The following NTRK2 variants were observed in gnomAD, a reference collection of about 807,000 sequenced individuals.
The protein encoded by NTRK2 is neurotrophic receptor tyrosine kinase 2.
Under a neutral mutation model 94.5 loss-of-function variants are expected in NTRK2, and 13 were observed. That is an observed-to-expected ratio of 0.14 (90% CI 0.09 to 0.22). The LOEUF (loss-of-function observed/expected upper bound fraction) is 0.22. Ranked by LOEUF, NTRK2 falls within the 10% of genes least tolerant of loss-of-function variation. The probability of loss-of-function intolerance (pLI) is 1.00; values close to 1 mark genes in which losing one functional copy is unlikely to be tolerated. For synonymous variants in NTRK2, 372 were observed against 407.4 expected (o/e 0.91, Z 1.05); for missense variants, 639 against 1,071.2 (o/e 0.60, Z 5.63).
chr9:84,795,297 C>T (rs893467784), intron 12 of NTRK2, among the ~76,000 whole-genome samples: 1 of 152,264 alleles, frequency 6.6e-6, no homozygotes. Flanking sequence ...TTCAGACCTG[C>T]CGTGACCCCC....
At chr9:84,737,056 GGATCACAT>G (rs762034220) in intron 9 of NTRK2, among the ~76,000 whole-genome samples, 52 of 152,162 alleles carry the variant, frequency 3.4e-4, no homozygotes, top group Non-Finnish European at 7.2e-4. Context: ...ATATTTTTCA[GGATCACAT>G]GATCACATTA....
chr9:84,856,351 A>C (rs1030688862), intron 12 of NTRK2, among the ~76,000 whole-genome samples: 2 of 152,190 alleles, frequency 1.3e-5, no homozygotes, highest in African/African-American at 4.8e-5. Context: ...TTGAAGTGGA[A>C]ACTTGGCCCC....
At chr9:85,020,465 G>A (rs931696724) in intron 18 of NTRK2, 101 bp downstream of exon 18, 19 of 1,213,872 alleles carry the variant, frequency 1.6e-5, no homozygotes, top group East Asian at 7.0e-5. Flanking sequence ...GTCAGGACAC[G>A]ATCTTATGGG....
intron 12 of NTRK2, among the ~76,000 whole-genome samples, chr9:84,809,662 G>T (rs113626163): frequency 8.6e-5 from 13 of 151,434 alleles, no homozygotes; most frequent in African/African-American, 3.1e-4. Flanking sequence ...TGGGTAGATT[G>T]CTTGAGGTCA....
chr9:85,008,744 G>T (rs1190263140), intron 17 of NTRK2, among the ~76,000 whole-genome samples: 5 of 152,186 alleles, frequency 3.3e-5, no homozygotes, highest in African/African-American at 1.2e-4. Context: ...CCAGGAGGAG[G>T]GGGAGAATGT....
chr9:84,965,988 G>T (rs567881799), intron 17 of NTRK2, among the ~76,000 whole-genome samples: 3 of 152,286 alleles, frequency 2.0e-5, no homozygotes, highest in African/African-American at 7.2e-5. Flanking sequence ...AAACACCAGG[G>T]TTTCTCTTTC....
intron 12 of NTRK2, among the ~76,000 whole-genome samples, chr9:84,825,191 G>T (rs952482976): frequency 6.6e-6 from 1 of 151,898 alleles, no homozygotes; most frequent in African/African-American, 2.4e-5. Flanking sequence ...TCCATTTTGT[G>T]TACCCCCACC....
At position 84,910,481 on chromosome 9, in the gene NTRK2, G is replaced by A. The variant is rs147983041; in HGVS notation, c.1634-23681G>A. On this transcript the variant is annotated intron_variant, in intron 14 of 18. Transcript: ENST00000277120. Reference sequence around the variant, plus strand: ...GTCACTCTCTGTCTTCTCCTTTCCTGTCCCATCTAAGGATGCTCGTCATTG... The same window carrying A: ...GTCACTCTCTGTCTTCTCCTTTCCTATCCCATCTAAGGATGCTCGTCATTG... Among the ~76,000 whole-genome samples, 29 of 152,078 alleles carry A rather than the reference G, an allele frequency of 1.9e-4. 1 individual carries two copies. Among genetic ancestry groups the A allele is most frequent in the Middle Eastern group, 6.8e-3 (2 of 294 alleles).
At chr9:84,810,398 C>G (rs1411810981) in intron 12 of NTRK2, 7 of 788,960 alleles carry the variant, frequency 8.9e-6, no homozygotes, top group African/African-American at 1.7e-5. Flanking sequence ...ATATATTGCT[C>G]TATGGTTTAA....
intron 12 of NTRK2, among the ~76,000 whole-genome samples, chr9:84,846,764 C>A (rs996615293): frequency 6.6e-6 from 1 of 152,228 alleles, no homozygotes; most frequent in Non-Finnish European, 1.5e-5. Flanking sequence ...ACCACACAAG[C>A]CTTGCCATGC....
chr9:84,913,162 C>T (rs2077293479), intron 14 of NTRK2, among the ~76,000 whole-genome samples: 1 of 152,084 alleles, frequency 6.6e-6, no homozygotes, highest in Admixed American at 6.5e-5. Flanking sequence ...ATAACTTGAA[C>T]ATTTTTTAGA....
chr9:84,828,340 C>T (rs145529565), intron 12 of NTRK2, among the ~76,000 whole-genome samples: 10 of 152,284 alleles, frequency 6.6e-5, no homozygotes, highest in Admixed American at 6.5e-4. Context: ...GCTATAACTT[C>T]ATTATATGTT....
intron 2 of NTRK2, among the ~76,000 whole-genome samples, chr9:84,673,533 A>G (rs1382209658): frequency 6.6e-6 from 1 of 152,188 alleles, no homozygotes; most frequent in Non-Finnish European, 1.5e-5. Context: ...GTGATTAGCA[A>G]CACACAACTT....
chr9:85,007,229 G>T (rs932122131), intron 17 of NTRK2, among the ~76,000 whole-genome samples: 1 of 152,214 alleles, frequency 6.6e-6, no homozygotes, highest in South Asian at 2.1e-4. Context: ...GTTAAGTCCT[G>T]TTGGACAAGT....
At chr9:84,997,878 C>T (rs1384125799) in intron 17 of NTRK2, among the ~76,000 whole-genome samples, 1 of 152,170 alleles carries the variant, frequency 6.6e-6, no homozygotes, top group Admixed American at 6.5e-5. Flanking sequence ...CCTCTCCCTC[C>T]ACTGCCTCAG....
At chr9:84,924,502 G>C (rs2077690410) in intron 14 of NTRK2, among the ~76,000 whole-genome samples, 1 of 152,200 alleles carries the variant, frequency 6.6e-6, no homozygotes, top group African/African-American at 2.4e-5. Flanking sequence ...TGACTGACAA[G>C]TATTGTTCCA....
At chr9:84,976,364 G>T (rs4596723) in intron 17 of NTRK2, among the ~76,000 whole-genome samples, 33,045 of 151,988 alleles carry the variant, frequency 0.22, 4,308 homozygotes, top group African/African-American at 0.37. Flanking sequence ...CTCTACTTAC[G>T]GGTGCCTTTA....
At chr9:84,822,959 G>A (rs993733192) in intron 12 of NTRK2, among the ~76,000 whole-genome samples, 1 of 152,136 alleles carries the variant, frequency 6.6e-6, no homozygotes, top group Non-Finnish European at 1.5e-5. Context: ...CCATCTCTCT[G>A]TAAAACACAA....
intron 17 of NTRK2, among the ~76,000 whole-genome samples, chr9:84,969,228 A>G (rs539861643): frequency 6.6e-6 from 1 of 152,232 alleles, no homozygotes; most frequent in Non-Finnish European, 1.5e-5. Flanking sequence ...GCATATTTTA[A>G]TACTCCATGT....
Sources: gnomAD v4.1 joint callset for allele counts (sites outside exome capture counted in the v4.1 genomes callset) on GRCh38, gnomAD v4.1.1 for gene constraint, MANE v1.5 for transcripts, NCBI Gene and HGNC (gene_info 2026-07-23, HGNC 2026-07-21) for gene names.